The following MBNL1 variants were observed in gnomAD, a reference collection of about 807,000 sequenced individuals.
MBNL1 encodes the protein muscleblind like splicing regulator 1, also known as muscleblind-like protein 1.
A neutral mutation model predicts 42.2 loss-of-function variants in MBNL1; 8 were observed. The observed-to-expected ratio is 0.19, with a 90% CI of 0.11 to 0.34. The LOEUF is 0.34. MBNL1 is among the 10% of genes least tolerant of loss of function. MBNL1 has a pLI of 1.00. For missense variants in MBNL1, 309 were observed against 495.3 expected, an observed-to-expected ratio of 0.62 and a Z score of 3.57; for synonymous variants, 169 against 173.9, an observed-to-expected ratio of 0.97 and a Z score of 0.22.
chr3:152,261,801 T>A (rs1253096641), intron 2 of MBNL1, among the ~76,000 whole-genome samples: 1 of 152,222 alleles, frequency 6.6e-6, no homozygotes, highest in Non-Finnish European at 1.5e-5. Context: ...ATCAAGCCTC[T>A]TGTCTGTCCA....
At chr3:152,325,552 T>A (rs1560152280) in intron 2 of MBNL1, among the ~76,000 whole-genome samples, 1 of 151,928 alleles carries the variant, frequency 6.6e-6, no homozygotes, top group Admixed American at 6.6e-5. Flanking sequence ...ATCTGTATTT[T>A]ATTTTTTTTA....
chr3:152,374,917 G>A (rs2096832937), intron 2 of MBNL1, among the ~76,000 whole-genome samples: 1 of 152,162 alleles, frequency 6.6e-6, no homozygotes, highest in Non-Finnish European at 1.5e-5. Flanking sequence ...CTTGGAACTT[G>A]TCTGTTATTT....
intron 2 of MBNL1, among the ~76,000 whole-genome samples, chr3:152,362,986 C>A (rs917332852): frequency 5.3e-5 from 8 of 151,910 alleles, no homozygotes; most frequent in African/African-American, 1.9e-4. Flanking sequence ...TGTGAAGTTT[C>A]CATGTTTTTA....
intron 2 of MBNL1, among the ~76,000 whole-genome samples, chr3:152,368,435 C>T (rs918107993): frequency 4.6e-5 from 7 of 152,220 alleles, no homozygotes; most frequent in East Asian, 1.9e-4. Flanking sequence ...AGTTTGAAGT[C>T]GGGTAGCGTG....
intron 2 of MBNL1, among the ~76,000 whole-genome samples, chr3:152,372,302 C>T (rs958934975): frequency 6.6e-6 from 1 of 152,164 alleles, no homozygotes; most frequent in Non-Finnish European, 1.5e-5. Flanking sequence ...TCTGTCAATT[C>T]GTCAAACTCA....
Position 152,462,574 on chromosome 3 carries a change from T to C in MBNL1, c.*208T>C, listed in dbSNP as rs765403428. The stretch of plus-strand genomic sequence containing the variant: ...ACTGCACACTGTTGCCTATACACTT[T>C]GTACATTTAATTGATATTTGTGCTG... On this transcript the variant is annotated 3_prime_UTR_variant, in exon 10 of 10. Coordinates refer to ENST00000324210, the MANE Select transcript of MBNL1 (RefSeq NM_021038.5). The C allele has an allele frequency of 7.9e-5, 12 of 152,190 alleles. No homozygotes were observed. The highest frequency in any genetic ancestry group is 1.8e-4 in the Non-Finnish European group (12 of 68,002). The allele number at this position is 152,190 out of a possible 1,614,324, so 9.4% of individuals were successfully genotyped here.
At chr3:152,322,194 T>C (rs2076870800) in intron 2 of MBNL1, among the ~76,000 whole-genome samples, 1 of 152,134 alleles carries the variant, frequency 6.6e-6, no homozygotes, top group Non-Finnish European at 1.5e-5. Flanking sequence ...TCTGGAAGCT[T>C]TATAAGGCCG....
At chr3:152,377,226 A>T (rs1336367213) in intron 2 of MBNL1, among the ~76,000 whole-genome samples, 1 of 152,188 alleles carries the variant, frequency 6.6e-6, no homozygotes, top group African/African-American at 2.4e-5. Flanking sequence ...CTTAGATAAG[A>T]TGCTTTTTTC....
intron 2 of MBNL1, among the ~76,000 whole-genome samples, chr3:152,336,391 A>T (rs1470268153): frequency 6.6e-6 from 1 of 152,214 alleles, no homozygotes; most frequent in Non-Finnish European, 1.5e-5. Context: ...CCTTTAAAAA[A>T]AGGTCAGCCT....
intron 2 of MBNL1, among the ~76,000 whole-genome samples, chr3:152,246,354 G>A (rs1246464197): frequency 6.6e-6 from 1 of 151,570 alleles, no homozygotes; most frequent in East Asian, 1.9e-4. Flanking sequence ...AGACAGATTT[G>A]TTGTTGTTGT....
intron 1 of MBNL1, among the ~76,000 whole-genome samples, chr3:152,285,655 G>T (rs2051184339): frequency 6.8e-6 from 1 of 146,966 alleles, no homozygotes; most frequent in Admixed American, 6.8e-5. Context: ...TTGAGACAGG[G>T]TCTCCCTCTG....
At chr3:152,307,008 G>C (rs1034960960) in intron 2 of MBNL1, among the ~76,000 whole-genome samples, 32 of 152,088 alleles carry the variant, frequency 2.1e-4, no homozygotes, top group African/African-American at 7.7e-4. Context: ...TTATTTATTT[G>C]AGACAGAGTC....
intron 2 of MBNL1, among the ~76,000 whole-genome samples, chr3:152,260,897 C>T (rs755719197): frequency 1.3e-5 from 2 of 152,194 alleles, no homozygotes; most frequent in Non-Finnish European, 2.9e-5. Flanking sequence ...CACAGCTAGT[C>T]CTAACTCCCT....
intron 2 of MBNL1, among the ~76,000 whole-genome samples, chr3:152,366,781 G>A (rs182389377): frequency 5.9e-5 from 9 of 152,168 alleles, no homozygotes; most frequent in Non-Finnish European, 1.5e-5. Context: ...AAAATTAGGG[G>A]CATCAAATTA....
intron 1 of MBNL1, among the ~76,000 whole-genome samples, chr3:152,284,405 A>G (rs986513720): frequency 5.9e-5 from 9 of 152,116 alleles, no homozygotes; most frequent in African/African-American, 4.8e-5. Context: ...TCTCTGTGCC[A>G]AAAAGTAACC....
At chr3:152,403,662 G>A (rs2153568214) in intron 2 of MBNL1, among the ~76,000 whole-genome samples, 1 of 152,112 alleles carries the variant, frequency 6.6e-6, no homozygotes, top group East Asian at 1.9e-4. Context: ...GTATGGGGGT[G>A]GAGTGCAGAG....
chr3:152,456,246 A>G (rs1457372998), intron 7 of MBNL1, 21 bp from the exon 8 acceptor site: 1 of 1,557,474 alleles, frequency 6.4e-7, no homozygotes, highest in South Asian at 1.1e-5. Flanking sequence ...ATGTTCGCTT[A>G]TATGATTTTC....
At chr3:152,313,715 G>A (rs2068541435) in intron 2 of MBNL1, among the ~76,000 whole-genome samples, 1 of 152,284 alleles carries the variant, frequency 6.6e-6, no homozygotes, top group South Asian at 2.1e-4. Flanking sequence ...ACAGGTCTCT[G>A]TGTTGTTTGA....
intron 2 of MBNL1, among the ~76,000 whole-genome samples, chr3:152,405,705 T>C (rs950138437): frequency 2.0e-5 from 3 of 152,180 alleles, no homozygotes; most frequent in Non-Finnish European, 4.4e-5. Context: ...AGAAATTTAA[T>C]AGAGACAGTC....
Sources: gnomAD v4.1 joint callset for allele counts (sites outside exome capture counted in the v4.1 genomes callset) on GRCh38, gnomAD v4.1.1 for gene constraint, MANE v1.5 for transcripts, NCBI Gene and HGNC (gene_info 2026-07-23, HGNC 2026-07-21) for gene names.